The following ADGRV1 variants were observed in gnomAD, a reference collection of about 807,000 sequenced individuals.
ADGRV1 encodes the protein adhesion G protein-coupled receptor V1.
A neutral mutation model predicts 596.2 loss-of-function variants in ADGRV1; 359 were observed. That is an observed-to-expected ratio of 0.60 (90% CI 0.55 to 0.66). ADGRV1 has a LOEUF of 0.66. Among genes scored for constraint, ADGRV1 ranks in the 30% least tolerant of loss-of-function variants. The pLI is 0.00. For missense variants in ADGRV1, 7,274 were observed against 7,575.6 expected, an observed-to-expected ratio of 0.96 and a Z score of 1.48; for synonymous variants, 2,681 against 2,679.2, an observed-to-expected ratio of 1.00 and a Z score of -0.02.
At chr5:90,735,609 G>T (rs898408852) in intron 50 of ADGRV1, among the ~76,000 whole-genome samples, 1 of 152,112 alleles carries the variant, frequency 6.6e-6, no homozygotes, top group African/African-American at 2.4e-5. Context: ...GGGTAGCATG[G>T]ACATTTTAAC....
chr5:91,129,481 G>T (rs1273895562), intron 87 of ADGRV1, among the ~76,000 whole-genome samples: 1 of 152,144 alleles, frequency 6.6e-6, no homozygotes, highest in Admixed American at 6.5e-5. Context: ...CGACATCATA[G>T]ATCAAAGTTT....
rs763156083 is a variant in ADGRV1, at chr5:90,619,070, TG to T, written c.358-13del. The T allele has an allele frequency of 1.2e-5, 14 of 1,207,966 alleles. No individual in the cohort carries two copies. Among genetic ancestry groups the T allele is most frequent in the Non-Finnish European group, 1.4e-5 (12 of 885,064 alleles). The allele number at this position is 1,207,966 out of a possible 1,614,324, so 74.8% of individuals were successfully genotyped here. A position where few individuals can be genotyped will look rare whatever the true frequency, so the allele number is the denominator to read the frequency against. On this transcript the variant is annotated splice_polypyrimidine_tract_variant and intron_variant, in intron 3 of 89. Coordinates refer to ENST00000405460, the MANE Select transcript of ADGRV1 (RefSeq NM_032119.4). Reference sequence around the variant, plus strand: ...TATTTTTAATTCATTATTTTATTTTTGGGATTTTATTTTAGAAACCTTCAGC... The same window carrying T: ...TATTTTTAATTCATTATTTTATTTTTGGATTTTATTTTAGAAACCTTCAGC...
intron 83 of ADGRV1, among the ~76,000 whole-genome samples, chr5:90,941,129 A>G (rs1031863500): frequency 3.5e-4 from 35 of 100,232 alleles, no homozygotes. Context: ...ATGGCAAGGA[A>G]AAGTACTTAA....
At chr5:90,820,094 G>T (rs188935231) in intron 75 of ADGRV1, among the ~76,000 whole-genome samples, 14,219 of 151,810 alleles carry the variant, frequency 0.094, 692 homozygotes, top group East Asian at 0.17. Context: ...TTGAATCTGG[G>T]TGCTCCTGTG....
intron 73 of ADGRV1, 63 bp from the exon 74 acceptor site, chr5:90,810,170 C>A (rs1762305057): frequency 7.8e-7 from 1 of 1,281,596 alleles, no homozygotes. Context: ...AATGATGAAT[C>A]TCTACAGTCA....
chr5:90,792,851 A>T (rs1760230516), intron 70 of ADGRV1: 1 of 152,226 alleles, frequency 6.6e-6, no homozygotes, highest in African/African-American at 2.4e-5. Context: ...ACAGGACTCC[A>T]TCCCATCGCA....
chr5:90,803,838 A>C (rs1282755494), intron 71 of ADGRV1, among the ~76,000 whole-genome samples: 2 of 152,052 alleles, frequency 1.3e-5, no homozygotes, highest in Non-Finnish European at 2.9e-5. Context: ...TAAAAAAAAA[A>C]GATTCAGCAA....
chr5:90,735,054 A>G lies in ADGRV1; in HGVS notation c.10549+5290A>G, dbSNP rs756211607. Among the ~76,000 whole-genome samples the G allele has an allele frequency of 2.4e-4, 36 of 151,998 alleles. 1 individual carries two copies. The highest frequency in any genetic ancestry group is 1.2e-4 in the Non-Finnish European group (8 of 67,982). The stretch of plus-strand genomic sequence containing the variant: ...TAATTTGATGCAATCCCATTTGTCT[A>G]TTTTTGCTTTTGTCGCCTCAACTTC... On this transcript the variant is annotated intron_variant, in intron 50 of 89. Transcript: ENST00000405460.
At position 90,661,408 on chromosome 5, in the gene ADGRV1, T is replaced by C. The variant is rs991451511; in HGVS notation, c.4752+3130T>C. 4.6e-5 allele frequency among the ~76,000 whole-genome samples: 7 copies of C among 152,204 alleles called. No homozygotes were observed. The South Asian group carries it at 1.2e-3, about 27-fold the overall frequency. ...ATCATTTCAACTTGGACTATATTTGTTTTTAAGTGCCTACCATGTGCTATG... is the reference window on the plus strand; with the variant it reads ...ATCATTTCAACTTGGACTATATTTGCTTTTAAGTGCCTACCATGTGCTATG... On this transcript the variant is annotated intron_variant, in intron 21 of 89. Transcript: ENST00000405460.
chr5:90,644,576 T>C (rs1767457204), intron 14 of ADGRV1, 130 bp from the exon 15 acceptor site: 1 of 693,040 alleles, frequency 1.4e-6, no homozygotes, highest in Non-Finnish European at 2.5e-6. Context: ...AAAACTGTGC[T>C]AAGCAAATAG....
At chr5:91,126,097 G>T (rs1223623770) in intron 87 of ADGRV1, among the ~76,000 whole-genome samples, 1 of 152,134 alleles carries the variant, frequency 6.6e-6, no homozygotes, top group Non-Finnish European at 1.5e-5. Context: ...ATTGCCTGGG[G>T]CAGTTCCCTA....
At chr5:91,110,220 A>G (rs987220097) in intron 87 of ADGRV1, among the ~76,000 whole-genome samples, 2 of 152,190 alleles carry the variant, frequency 1.3e-5, no homozygotes, top group Non-Finnish European at 2.9e-5. Flanking sequence ...AGGCCAAGGT[A>G]TATCCAAATT....
chr5:90,806,702 C>G (rs899399932), intron 72 of ADGRV1, among the ~76,000 whole-genome samples: 4 of 152,134 alleles, frequency 2.6e-5, no homozygotes, highest in African/African-American at 9.7e-5. Flanking sequence ...TAACTTGATT[C>G]AGCTAAAATA....
chr5:90,618,905 A>G (rs751316421), intron 3 of ADGRV1, among the ~76,000 whole-genome samples, 181 bp from the exon 4 acceptor site: 1 of 151,996 alleles, frequency 6.6e-6, no homozygotes, highest in Non-Finnish European at 1.5e-5. Context: ...AAAATTTTTC[A>G]TTTGGAACTT....
At chr5:90,683,444 C>A in intron 27 of ADGRV1, 142 bp from the exon 28 acceptor site, 2 of 657,366 alleles carry the variant, frequency 3.0e-6, no homozygotes, top group Non-Finnish European at 5.0e-6. Context: ...TAGTATATGA[C>A]CCCTGCCTGC....
At chr5:90,929,783 G>A (rs746803408) in intron 83 of ADGRV1, 1 of 152,232 alleles carries the variant, frequency 6.6e-6, no homozygotes, top group South Asian at 2.1e-4. Flanking sequence ...ATATTAGTTG[G>A]TACAGTATGG....
At chr5:90,978,577 G>C (rs1779821820) in intron 84 of ADGRV1, among the ~76,000 whole-genome samples, 1 of 151,974 alleles carries the variant, frequency 6.6e-6, no homozygotes, top group African/African-American at 2.4e-5. Context: ...GAAAAGAGTG[G>C]AATAGAATGT....
At chr5:90,956,122 G>A (rs1334053731) in intron 83 of ADGRV1, among the ~76,000 whole-genome samples, 6 of 152,004 alleles carry the variant, frequency 3.9e-5, no homozygotes, top group Admixed American at 3.9e-4. Context: ...TAAGTCCAAG[G>A]AATTCCATAA....
At chr5:90,617,520 G>C (rs779707449) in intron 2 of ADGRV1, 40 of 222,870 alleles carry the variant, frequency 1.8e-4, no homozygotes, top group Admixed American at 3.3e-4. Flanking sequence ...ATATTGGCCA[G>C]GCTGGTCTTG....
Sources: gnomAD v4.1 joint callset for allele counts (sites outside exome capture counted in the v4.1 genomes callset) on GRCh38, gnomAD v4.1.1 for gene constraint, MANE v1.5 for transcripts, NCBI Gene and HGNC (gene_info 2026-07-23, HGNC 2026-07-21) for gene names.